The following FBN2 variants were observed in gnomAD, a reference collection of about 807,000 sequenced individuals.
The protein encoded by FBN2 is fibrillin 2, also known as fibrillin-2.
In FBN2, 105 loss-of-function variants were observed where a neutral mutation model predicts 355.6. That is an observed-to-expected ratio of 0.30 (90% CI 0.25 to 0.35). FBN2 has a LOEUF of 0.35. Among genes scored for constraint, FBN2 ranks in the 10% least tolerant of loss-of-function variants. FBN2 has a pLI of 1.00. For synonymous variants in FBN2, 1,350 were observed against 1,301.2 expected (o/e 1.04, Z -0.81); for missense variants, 3,280 against 3,758.7 (o/e 0.87, Z 3.33).
chr5:128,434,590 C>G (rs1339367388), intron 7 of FBN2, among the ~76,000 whole-genome samples: 1 of 148,266 alleles, frequency 6.7e-6, no homozygotes, highest in Non-Finnish European at 1.5e-5. Context: ...AAGGTTCCCT[C>G]TCTCTCTCTC....
chr5:128,479,787 C>T (rs1755103510), intron 5 of FBN2, among the ~76,000 whole-genome samples: 1 of 151,348 alleles, frequency 6.6e-6, no homozygotes, highest in African/African-American at 2.4e-5. Flanking sequence ...ATTAACTGGG[C>T]ATGGTAGAAT....
At chr5:128,511,561 G>A (rs1488096831) in intron 5 of FBN2, among the ~76,000 whole-genome samples, 1 of 152,144 alleles carries the variant, frequency 6.6e-6, no homozygotes, top group East Asian at 1.9e-4. Flanking sequence ...ATGCTGCACT[G>A]TGTGGAGTAT....
At chr5:128,424,359 C>A (rs1753432202) in intron 7 of FBN2, among the ~76,000 whole-genome samples, 1 of 151,986 alleles carries the variant, frequency 6.6e-6, no homozygotes. Context: ...AGAAAGAAAA[C>A]AGAGAATGAT....
intron 7 of FBN2, among the ~76,000 whole-genome samples, chr5:128,435,186 T>C (rs550589304): frequency 2.0e-5 from 3 of 152,238 alleles, no homozygotes; most frequent in African/African-American, 7.2e-5. Context: ...TGCTGTAATT[T>C]AGGTGGAACT....
At position 128,393,115 on chromosome 5, in the gene FBN2, C is replaced by T; in HGVS notation, c.1465+20G>A. ...TTGAGGCAGGAAACTAAAGAGTCCA[C>T]AGGAAAACTGACCACTTACTTAGTC... On this transcript the variant is annotated intron_variant, in intron 10 of 64. Transcript: ENST00000262464. The T allele has an allele frequency of 1.9e-6, 3 of 1,576,370 alleles. No individual in the cohort carries two copies. The highest frequency in any genetic ancestry group is 2.6e-6 in the Non-Finnish European group (3 of 1,145,418).
At chr5:128,392,982 C>T (rs1489665304) in intron 10 of FBN2, among the ~76,000 whole-genome samples, 153 bp downstream of exon 10, 2 of 152,122 alleles carry the variant, frequency 1.3e-5, no homozygotes. Context: ...AAACACTTTT[C>T]CCTCTGTCTC....
intron 3 of FBN2, among the ~76,000 whole-genome samples, chr5:128,530,198 T>C (rs1424800358): frequency 6.6e-6 from 1 of 152,194 alleles, no homozygotes; most frequent in Non-Finnish European, 1.5e-5. Context: ...TGGCAGTTAA[T>C]ACATGTGAAG....
In FBN2 at chr5:128,472,041, C is replaced by A. The variant is rs1392843846; in HGVS notation, c.629-7120G>T. On this transcript the variant is annotated intron_variant, in intron 5 of 64. Transcript: ENST00000262464. ...CTAAAATCTGTTAAGACTATAGGCACTTGAAGAGATATTTATCTACCCATG... is the reference window on the plus strand; with the variant it reads ...CTAAAATCTGTTAAGACTATAGGCAATTGAAGAGATATTTATCTACCCATG... Among the ~76,000 whole-genome samples the A allele has an allele frequency of 2.6e-5, 4 of 152,116 alleles. No individual in the cohort carries two copies. In the South Asian group the frequency reaches 8.3e-4, roughly 32 times the overall value.
chr5:128,335,207 A>C lies in FBN2; in HGVS notation c.3936T>G (p.Asp1312Glu). 6.2e-7 allele frequency: 1 copy of C among 1,614,172 alleles called. No homozygotes were observed. The highest frequency in any genetic ancestry group is 8.5e-7 in the Non-Finnish European group (1 of 1,180,018). The change falls in exon 30 of 65, where the codon GAT becomes GAG. Residue 1312 changes from aspartate (D) to glutamate (E), a missense_variant. Coordinates refer to ENST00000262464, the MANE Select transcript of FBN2 (RefSeq NM_001999.4). The part of the protein sequence containing the change: ...IPGEYRCLCY[D>E]GFMASMDMKT... ...TCATGTCCATGGAAGCCATGAAGCCATCATAGCAGAGGCAGCGATACTCTC... is the reference window on the plus strand; with the variant it reads ...TCATGTCCATGGAAGCCATGAAGCCCTCATAGCAGAGGCAGCGATACTCTC...
At chr5:128,337,352 C>A (rs936676790) in intron 27 of FBN2, among the ~76,000 whole-genome samples, 1 of 152,098 alleles carries the variant, frequency 6.6e-6, no homozygotes, top group Non-Finnish European at 1.5e-5. Flanking sequence ...TATTTGCTTA[C>A]GGTTTTAAGA....
intron 41 of FBN2, among the ~76,000 whole-genome samples, chr5:128,307,811 T>C (rs1749925086): frequency 6.6e-6 from 1 of 152,006 alleles, no homozygotes; most frequent in South Asian, 2.1e-4. Context: ...GAATTCTAAT[T>C]TGCAAGATGA....
intron 18 of FBN2, 100 bp from the exon 19 acceptor site, chr5:128,361,948 C>T: frequency 8.3e-7 from 1 of 1,207,872 alleles, no homozygotes; most frequent in Non-Finnish European, 1.2e-6. Context: ...TTCCCTCTTT[C>T]TTCTCTGTGA....
chr5:128,451,842 T>C (rs1754256563), intron 6 of FBN2, among the ~76,000 whole-genome samples: 1 of 152,182 alleles, frequency 6.6e-6, no homozygotes, highest in East Asian at 1.9e-4. Context: ...CTATAAAACC[T>C]TAACATTATT....
chr5:128,289,230 G>A lies in FBN2; in HGVS notation c.6534C>T (p.Ser2178=), dbSNP rs1057524084. 3 of 1,613,650 alleles carry A rather than the reference G, an allele frequency of 1.9e-6. No individual in the cohort carries two copies. The highest frequency in any genetic ancestry group is 2.5e-6 in the Non-Finnish European group (3 of 1,179,600). The change falls in exon 52 of 65, where the codon AGC becomes AGT. Residue 2178 remains serine (S), a synonymous_variant. Coordinates refer to ENST00000262464, the MANE Select transcript of FBN2 (RefSeq NM_001999.4). ...TREDVNECLE[S]PGICSNGQCI... ...ATTGACCATTTGAACAAATGCCTGG[G>A]CTCTCAAGACACTCATTGACATCTA...
intron 25 of FBN2, among the ~76,000 whole-genome samples, chr5:128,343,328 G>T (rs1751080689): frequency 6.6e-6 from 1 of 152,184 alleles, no homozygotes; most frequent in Admixed American, 6.5e-5. Context: ...ACAGGTGAGG[G>T]GATGAAGCTC....
intron 7 of FBN2, among the ~76,000 whole-genome samples, chr5:128,422,979 G>C (rs1435893858): frequency 1.3e-5 from 2 of 152,176 alleles, no homozygotes; most frequent in African/African-American, 4.8e-5. Context: ...TTGAAAAACA[G>C]TGAGCTAAGC....
chr5:128,353,527 A>T (rs967903502), intron 20 of FBN2, among the ~76,000 whole-genome samples: 1 of 152,202 alleles, frequency 6.6e-6, no homozygotes, highest in African/African-American at 2.4e-5. Context: ...TGTAAATTCC[A>T]TAGCACAGAG....
intron 48 of FBN2, among the ~76,000 whole-genome samples, chr5:128,298,187 A>G (rs1002900857): frequency 1.3e-5 from 2 of 151,822 alleles, no homozygotes; most frequent in Admixed American, 6.5e-5. Context: ...TGGCTTGTAG[A>G]GTTTCTGCCG....
chr5:128,399,428 G>A (rs550906404), intron 8 of FBN2, among the ~76,000 whole-genome samples: 3 of 152,216 alleles, frequency 2.0e-5, no homozygotes, highest in Non-Finnish European at 4.4e-5. Flanking sequence ...TGTTTGCAGA[G>A]GGCAAATTAA....
Sources: allele counts gnomAD v4.1 joint callset (sites outside exome capture counted in the v4.1 genomes callset), GRCh38; gene constraint gnomAD v4.1.1; transcripts MANE v1.5; gene names NCBI Gene and HGNC (gene_info 2026-07-23, HGNC 2026-07-21).